The following ABCA1 variants were observed in gnomAD, a reference collection of about 807,000 sequenced individuals.
The protein encoded by ABCA1 is ATP binding cassette subfamily A member 1, also known as phospholipid-transporting ATPase ABCA1.
A neutral mutation model predicts 262.5 loss-of-function variants in ABCA1; 133 were observed. The observed-to-expected ratio is 0.51, with a 90% CI of 0.44 to 0.59. The LOEUF is 0.59. ABCA1 is among the 20% of genes least tolerant of loss of function. The probability of loss-of-function intolerance (pLI) is 0.00; values close to 1 mark genes in which losing one functional copy is unlikely to be tolerated. For missense variants in ABCA1, 2,452 were observed against 2,777.5 expected, an observed-to-expected ratio of 0.88 and a Z score of 2.63; for synonymous variants, 1,022 against 1,043.5, an observed-to-expected ratio of 0.98 and a Z score of 0.40.
At chr9:104,895,595 A>T (rs113063751) in intron 2 of ABCA1, among the ~76,000 whole-genome samples, 6 of 152,246 alleles carry the variant, frequency 3.9e-5, no homozygotes, top group African/African-American at 1.2e-4. Flanking sequence ...TTTCACATAG[A>T]AGGCTTAGCA....
intron 1 of ABCA1, among the ~76,000 whole-genome samples, chr9:104,913,001 C>T (rs562757875): frequency 7.9e-5 from 12 of 152,204 alleles, no homozygotes; most frequent in South Asian, 6.2e-4. Context: ...TGTTATAGGA[C>T]GGTTTTCCAA....
chr9:104,888,072 T>C lies in ABCA1; in HGVS notation c.160+1030A>G, dbSNP rs147049062. On this transcript the variant is annotated intron_variant, in intron 3 of 49. Coordinates refer to ENST00000374736, the MANE Select transcript of ABCA1 (RefSeq NM_005502.4). ...GTTTCTTGAGGGGTGTGTGTGTGTG[T>C]GTGTGTGTGTGTGTGTGTTTAATAT... is the stretch of plus-strand genomic sequence containing the variant. 6.9e-3 allele frequency among the ~76,000 whole-genome samples: 1,048 copies of C among 151,858 alleles called. 4 individuals carry two copies. The highest frequency in any genetic ancestry group is 0.031 in the Middle Eastern group (9 of 294).
chr9:104,849,443 A>T (rs1174518103), intron 7 of ABCA1, among the ~76,000 whole-genome samples: 1 of 152,198 alleles, frequency 6.6e-6, no homozygotes, highest in African/African-American at 2.4e-5. Flanking sequence ...CCCACCCATG[A>T]GTAATAAGGT....
intron 17 of ABCA1, 102 bp from the exon 18 acceptor site, chr9:104,824,680 G>C: frequency 7.3e-7 from 1 of 1,361,280 alleles, no homozygotes. Flanking sequence ...CTTTGGAGAA[G>C]GAACAGATTT....
At chr9:104,899,882 T>C (rs1199707064) in intron 2 of ABCA1, among the ~76,000 whole-genome samples, 1 of 152,154 alleles carries the variant, frequency 6.6e-6, no homozygotes, top group Non-Finnish European at 1.5e-5. Context: ...GCTCTGAAGT[T>C]CTCTTCCCCT....
Position 104,840,309 on chromosome 9 carries a change from C to A in ABCA1, c.1024G>T (p.Asp342Tyr), listed in dbSNP as rs1166495001. The change falls in exon 9 of 50, where the codon GAT becomes TAT. Residue 342 changes from aspartate (D) to tyrosine (Y), a missense_variant. Physicochemically the swap from Asp to Tyr is radical, Grantham distance 160. Transcript: ENST00000374736. ...ALFGGNGTEE[D>Y]AETFYDNSTT... ...GAGTTGTCATAGAAGGTTTCAGCAT[C>A]TTCCTCAGTGCCATTGCCTCCAAAG... is the stretch of plus-strand genomic sequence containing the variant. 1 of 1,614,234 alleles carries A rather than the reference C, an allele frequency of 6.2e-7. No homozygotes were observed. Among genetic ancestry groups the A allele is most frequent in the Non-Finnish European group, 8.5e-7 (1 of 1,180,048 alleles).
chr9:104,810,063 G>T (rs1444699114), intron 29 of ABCA1, among the ~76,000 whole-genome samples: 1 of 149,478 alleles, frequency 6.7e-6, no homozygotes, highest in African/African-American at 2.5e-5. Flanking sequence ...TCAGCAGCCG[G>T]AAAGGAAAAA....
intron 5 of ABCA1, among the ~76,000 whole-genome samples, chr9:104,874,671 A>G (rs1439388403): frequency 1.3e-5 from 2 of 152,180 alleles, no homozygotes; most frequent in Admixed American, 1.3e-4. Flanking sequence ...CAGGTGGATC[A>G]ACAGGTCAGG....
At chr9:104,924,481 G>A (rs910869774) in intron 1 of ABCA1, among the ~76,000 whole-genome samples, 10 of 151,870 alleles carry the variant, frequency 6.6e-5, no homozygotes, top group African/African-American at 2.4e-4. Flanking sequence ...GTGGTGGCAC[G>A]CACCTGTAAT....
intron 2 of ABCA1, chr9:104,889,422 A>C (rs577270835): frequency 3.1e-6 from 3 of 954,082 alleles, no homozygotes; most frequent in East Asian, 1.2e-4. Context: ...GATGCTTCCT[A>C]TCGTGCTTTA....
At position 104,909,654 on chromosome 9, in the gene ABCA1, A is replaced by ACACACACG. The variant is rs770801372; in HGVS notation, c.-92-5884_-92-5883insCGTGTGTG. Among the ~76,000 whole-genome samples, 481 of 146,608 alleles carry ACACACACG rather than the reference A, an allele frequency of 3.3e-3. 14 individuals carry two copies. The highest frequency in any genetic ancestry group is 9.4e-3 in the African/African-American group (368 of 39,342). ...CACACACACACACACACACACACAC[A>ACACACACG]TTCACAGGAAGCTGGCTGTGAAGGG... On this transcript the variant is annotated intron_variant, in intron 1 of 49. Coordinates refer to ENST00000374736, the MANE Select transcript of ABCA1 (RefSeq NM_005502.4).
At chr9:104,853,403 G>A (rs1835551558) in intron 7 of ABCA1, among the ~76,000 whole-genome samples, 1 of 152,210 alleles carries the variant, frequency 6.6e-6, no homozygotes, top group Non-Finnish European at 1.5e-5. Context: ...AGACTGCTGT[G>A]AGGGAGCTGG....
chr9:104,815,282 A>G (rs930443900), intron 25 of ABCA1, among the ~76,000 whole-genome samples: 8 of 152,384 alleles, frequency 5.2e-5, no homozygotes, highest in African/African-American at 1.9e-4. Flanking sequence ...TGCAATAGAA[A>G]TACAGACTTC....
Position 104,788,539 on chromosome 9 carries a change from G to C in ABCA1, c.5956C>G (p.Gln1986Glu), listed in dbSNP as rs769126825. 1 of 1,614,188 alleles carries C rather than the reference G, an allele frequency of 6.2e-7. No homozygotes were observed. Among genetic ancestry groups the C allele is most frequent in the South Asian group, 1.1e-5 (1 of 91,090 alleles). The change falls in exon 45 of 50, where the codon CAG becomes GAG. Residue 1986 changes from glutamine (Q) to glutamate (E), a missense_variant. Gln to Glu is a conservative substitution (Grantham distance 29). Transcript: ENST00000374736. Reference protein sequence around the residue: ...SILSNIHEVHQNMGYCPQFDA... With the variant: ...SILSNIHEVHENMGYCPQFDA... The stretch of plus-strand genomic sequence containing the variant: ...AACTGAGGGCAGTAGCCCATGTTCT[G>C]ATGTACTTCATGGATGTTTGATAAG...
At chr9:104,808,197 C>T (rs1050669602) in intron 30 of ABCA1, among the ~76,000 whole-genome samples, 1 of 152,174 alleles carries the variant, frequency 6.6e-6, no homozygotes, top group South Asian at 2.1e-4. Context: ...CAACCACCTC[C>T]GGCAGACTGT....
intron 29 of ABCA1, among the ~76,000 whole-genome samples, chr9:104,809,830 C>T (rs1831113115): frequency 1.3e-5 from 2 of 151,984 alleles, no homozygotes; most frequent in Admixed American, 6.6e-5. Context: ...CACACATGTA[C>T]ATACACATAT....
At position 104,796,407 on chromosome 9, in the gene ABCA1, A is replaced by C; in HGVS notation, c.5139T>G (p.Pro1713=). 6.2e-7 allele frequency: 1 copy of C among 1,614,104 alleles called. No individual in the cohort carries two copies. The highest frequency in any genetic ancestry group is 1.1e-5 in the South Asian group (1 of 91,054). The part of the protein sequence containing the change: ...FVWDMCNYVV[P]ATLVIIIFIC... Reference sequence around the variant, plus strand: ...TGAAGATGATAATGACCAGTGTGGCAGGGACAACGTAATTGCACTAAAAGT... The same window carrying C: ...TGAAGATGATAATGACCAGTGTGGCCGGGACAACGTAATTGCACTAAAAGT... The change falls in exon 38 of 50, where the codon CCT becomes CCG. Residue 1713 remains proline, a synonymous_variant. Coordinates refer to ENST00000374736, the MANE Select transcript of ABCA1 (RefSeq NM_005502.4).
intron 2 of ABCA1, among the ~76,000 whole-genome samples, chr9:104,894,257 T>C (rs1311097939): frequency 6.6e-6 from 1 of 152,172 alleles, no homozygotes; most frequent in Admixed American, 6.5e-5. Context: ...TGGATATCTC[T>C]GCAGCCCCCA....
rs941317958 is a variant in ABCA1 at position 104,904,927 on chromosome 9, C to T, written c.-92-1156G>A. Among the ~76,000 whole-genome samples, 5 of 151,692 alleles carry T rather than the reference C, an allele frequency of 3.3e-5. No individual in the cohort carries two copies. The South Asian group carries it at 6.2e-4, about 19-fold the overall frequency. Reference sequence around the variant, plus strand: ...CCATGCTAGGGCAAGAAGGTCTTCTCGTGAACAAGGGATACTACATTCTGT... The same window carrying T: ...CCATGCTAGGGCAAGAAGGTCTTCTTGTGAACAAGGGATACTACATTCTGT... On this transcript the variant is annotated intron_variant, in intron 1 of 49. Coordinates refer to ENST00000374736, the MANE Select transcript of ABCA1 (RefSeq NM_005502.4).
Sources: gnomAD v4.1 joint callset for allele counts (sites outside exome capture counted in the v4.1 genomes callset) on GRCh38, gnomAD v4.1.1 for gene constraint, MANE v1.5 for transcripts, NCBI Gene and HGNC (gene_info 2026-07-23, HGNC 2026-07-21) for gene names.